Variants in CUX1 observed in about 807,000 individuals in gnomAD.
The protein encoded by CUX1 is protein CASP.
CUX1 carries 31 observed loss-of-function variants against 158.8 expected under a neutral mutation model. That is an observed-to-expected ratio of 0.20 (90% CI 0.15 to 0.26). The LOEUF is 0.26. CUX1 is among the 10% of genes least tolerant of loss of function. The probability of loss-of-function intolerance (pLI) is 1.00; values close to 1 mark genes in which losing one functional copy is unlikely to be tolerated. For missense variants in CUX1, 1,589 were observed against 2,014.6 expected, an observed-to-expected ratio of 0.79 and a Z score of 4.04; for synonymous variants, 879 against 862.1, an observed-to-expected ratio of 1.02 and a Z score of -0.34.
At chr7:102,193,788 C>G in intron 12 of CUX1, 54 bp from the exon 13 acceptor site, 1 of 1,557,320 alleles carries the variant, frequency 6.4e-7, no homozygotes, top group Non-Finnish European at 8.8e-7. Context: ...GGTGACAGAA[C>G]GAGACTCTGT....
chr7:102,020,022 T>C (rs1410922578), intron 2 of CUX1, among the ~76,000 whole-genome samples: 1 of 152,218 alleles, frequency 6.6e-6, no homozygotes, highest in African/African-American at 2.4e-5. Context: ...CATTGCTGGG[T>C]GGCCTATACA....
chr7:101,981,198 C>T (rs1361911343), intron 2 of CUX1, among the ~76,000 whole-genome samples: 2 of 152,084 alleles, frequency 1.3e-5, no homozygotes, highest in Non-Finnish European at 2.9e-5. Context: ...CGGCCCCCTC[C>T]TCCCCCAACC....
chr7:102,227,760 CAG>C, intron 21 of CUX1, 91 bp downstream of exon 21: 2 of 1,341,936 alleles, frequency 1.5e-6, no homozygotes, highest in South Asian at 2.6e-5. Flanking sequence ...AAGCCAACCA[CAG>C]AGTCTCAACT....
chr7:101,900,265 A>G (rs1283852457), intron 1 of CUX1, among the ~76,000 whole-genome samples: 2 of 152,154 alleles, frequency 1.3e-5, no homozygotes, highest in African/African-American at 2.4e-5. Flanking sequence ...AGGAGCTGTC[A>G]TGTAGTGTAA....
At chr7:102,000,286 A>G (rs189229001) in intron 2 of CUX1, among the ~76,000 whole-genome samples, 1 of 152,060 alleles carries the variant, frequency 6.6e-6, no homozygotes, top group East Asian at 1.9e-4. Flanking sequence ...CTGCATTGAG[A>G]CACATGTGTC....
At chr7:102,283,134 C>A (rs782303140) in exon 23 of CUX1, 3 of 1,484,994 alleles carry the variant, frequency 2.0e-6, no homozygotes, top group Admixed American at 1.7e-5. Flanking sequence ...GCGCCTCCAC[C>A]CCGACTGCTC....
chr7:101,875,069 G>T (rs1419189961), intron 1 of CUX1, among the ~76,000 whole-genome samples: 2 of 152,142 alleles, frequency 1.3e-5, no homozygotes, highest in Non-Finnish European at 2.9e-5. Flanking sequence ...GGCTAACTGG[G>T]GCTCCTTGTC....
chr7:102,111,795 G>A, intron 7 of CUX1, 21 bp downstream of exon 7: 1 of 1,608,734 alleles, frequency 6.2e-7, no homozygotes, highest in Non-Finnish European at 8.5e-7. Flanking sequence ...CTCCTTCCTA[G>A]TACCATGGAT....
intron 1 of CUX1, among the ~76,000 whole-genome samples, chr7:101,843,427 C>G (rs757055324): frequency 6.6e-6 from 1 of 152,110 alleles, no homozygotes; most frequent in African/African-American, 2.4e-5. Context: ...TTTAAAAAAG[C>G]TTTTCTTGTA....
intron 7 of CUX1, among the ~76,000 whole-genome samples, 164 bp from the exon 8 acceptor site, chr7:102,115,043 G>A (rs1345200660): frequency 6.6e-6 from 1 of 152,024 alleles, no homozygotes; most frequent in Non-Finnish European, 1.5e-5. Context: ...TCCATTTTTT[G>A]TATTTTCATC....
intron 6 of CUX1, among the ~76,000 whole-genome samples, chr7:102,110,980 A>G (rs1323218216): frequency 6.6e-6 from 1 of 152,210 alleles, no homozygotes; most frequent in Non-Finnish European, 1.5e-5. Context: ...TCTAGAGGTG[A>G]TGAGAATTGG....
chr7:101,969,311 G>T (rs992635552), intron 2 of CUX1, among the ~76,000 whole-genome samples: 2 of 149,490 alleles, frequency 1.3e-5, no homozygotes, highest in African/African-American at 2.5e-5. Flanking sequence ...CTCCATCCTG[G>T]GTGACAGAGC....
At chr7:102,242,462 C>T (rs1261609356) in intron 23 of CUX1, among the ~76,000 whole-genome samples, 1 of 152,162 alleles carries the variant, frequency 6.6e-6, no homozygotes, top group Admixed American at 6.5e-5. Flanking sequence ...CCACCCACCT[C>T]GGCCTCCCAA....
intron 4 of CUX1, among the ~76,000 whole-genome samples, chr7:102,076,234 C>G (rs1554476618): frequency 6.6e-6 from 1 of 151,942 alleles, no homozygotes; most frequent in Non-Finnish European, 1.5e-5. Context: ...AAATACAAGA[C>G]ATTAGGTGGG....
At chr7:102,243,184 G>C (rs1800408684) in intron 23 of CUX1, among the ~76,000 whole-genome samples, 1 of 152,170 alleles carries the variant, frequency 6.6e-6, no homozygotes, top group African/African-American at 2.4e-5. Flanking sequence ...TGAGGCAAGA[G>C]AATCGCCTGA....
chr7:102,269,478 T>C (rs1554545734), intron 14 of CUX1, among the ~76,000 whole-genome samples: 1 of 150,776 alleles, frequency 6.6e-6, no homozygotes, highest in Non-Finnish European at 1.5e-5. Context: ...CCATCTCAGC[T>C]CACTGTAACC....
intron 1 of CUX1, among the ~76,000 whole-genome samples, chr7:101,821,738 G>A (rs1207213950): frequency 1.0e-5 from 1 of 98,020 alleles, no homozygotes; most frequent in Non-Finnish European, 1.9e-5. Flanking sequence ...GCAGTGGTGC[G>A]ATCTCGGCTC....
chr7:102,160,904 C>A (rs542823013), intron 9 of CUX1, among the ~76,000 whole-genome samples: 1 of 152,086 alleles, frequency 6.6e-6, no homozygotes, highest in African/African-American at 2.4e-5. Flanking sequence ...CTGAAAAGTA[C>A]GCTAATGGTT....
intron 1 of CUX1, among the ~76,000 whole-genome samples, chr7:101,871,862 T>C (rs887710115): frequency 1.3e-5 from 2 of 151,630 alleles, no homozygotes; most frequent in Non-Finnish European, 2.9e-5. Flanking sequence ...TACTAAAAAT[T>C]AAAAAATTGA....
Sources: allele counts gnomAD v4.1 joint callset (sites outside exome capture counted in the v4.1 genomes callset), GRCh38; gene constraint gnomAD v4.1.1; transcripts MANE v1.5; gene names NCBI Gene and HGNC (gene_info 2026-07-23, HGNC 2026-07-21).